The following PARD3 variants were observed in gnomAD, a reference collection of about 807,000 sequenced individuals.
The protein encoded by PARD3 is partitioning defective 3 homolog.
PARD3 carries 75 observed loss-of-function variants against 155.4 expected under a neutral mutation model. That is an observed-to-expected ratio of 0.48 (90% CI 0.40 to 0.58). PARD3 has a LOEUF of 0.58. Among genes scored for constraint, PARD3 ranks in the 20% least tolerant of loss-of-function variants. The probability of loss-of-function intolerance (pLI) is 0.00; values close to 1 mark genes in which losing one functional copy is unlikely to be tolerated. For synonymous variants in PARD3, 576 were observed against 610.5 expected (o/e 0.94, Z 0.83); for missense variants, 1,642 against 1,721.7 (o/e 0.95, Z 0.82).
intron 1 of PARD3, among the ~76,000 whole-genome samples, chr10:34,727,572 T>C (rs904524578): frequency 1.4e-3 from 1 of 716 alleles, no homozygotes; most frequent in African/African-American, 2.1e-3. Flanking sequence ...CTATGTTTAT[T>C]TTTTTTTTGA....
chr10:34,620,897 T>C (rs1480689415), intron 2 of PARD3, among the ~76,000 whole-genome samples: 1 of 152,248 alleles, frequency 6.6e-6, no homozygotes, highest in Non-Finnish European at 1.5e-5. Flanking sequence ...CTTGCCACAT[T>C]TTGCTACATG....
At chr10:34,500,572 T>C (rs1228590183) in intron 3 of PARD3, among the ~76,000 whole-genome samples, 2 of 152,098 alleles carry the variant, frequency 1.3e-5, no homozygotes, top group Admixed American at 6.6e-5. Flanking sequence ...TGAAACCTCA[T>C]CTCTACAAAA....
At chr10:34,293,553 G>A (rs1360298065) in intron 20 of PARD3, among the ~76,000 whole-genome samples, 1 of 152,142 alleles carries the variant, frequency 6.6e-6, no homozygotes, top group African/African-American at 2.4e-5. Context: ...ATTTGGCATT[G>A]AAATCGGTCA....
chr10:34,647,755 G>A (rs1389302332), intron 2 of PARD3, among the ~76,000 whole-genome samples: 1 of 152,070 alleles, frequency 6.6e-6, no homozygotes, highest in Non-Finnish European at 1.5e-5. Context: ...ATCCATATTT[G>A]TAGTTGCTAA....
intron 2 of PARD3, among the ~76,000 whole-genome samples, chr10:34,519,070 G>A (rs2081967465): frequency 6.6e-6 from 1 of 152,144 alleles, no homozygotes; most frequent in Non-Finnish European, 1.5e-5. Context: ...CCCAAATTGA[G>A]GGATATTCTG....
chr10:34,178,483 G>A (rs1469519633), intron 22 of PARD3, among the ~76,000 whole-genome samples: 1 of 152,194 alleles, frequency 6.6e-6, no homozygotes, highest in Non-Finnish European at 1.5e-5. Flanking sequence ...AAGAAATGCA[G>A]GAGGGACAGC....
chr10:34,269,434 A>C (rs1955504279), intron 22 of PARD3, among the ~76,000 whole-genome samples: 1 of 152,230 alleles, frequency 6.6e-6, no homozygotes. Flanking sequence ...TTCAGAACAA[A>C]ATGAAATATG....
At chr10:34,220,481 T>C (rs1330860598) in intron 22 of PARD3, among the ~76,000 whole-genome samples, 3 of 152,210 alleles carry the variant, frequency 2.0e-5, no homozygotes, top group African/African-American at 7.2e-5. Context: ...ACCTGTGCGA[T>C]TTTGTGCTCA....
intron 22 of PARD3, among the ~76,000 whole-genome samples, chr10:34,225,073 AC>A (rs1481277203): frequency 6.6e-6 from 1 of 152,200 alleles, no homozygotes; most frequent in African/African-American, 2.4e-5. Flanking sequence ...ATCAAATTTA[AC>A]CAAAAATATT....
chr10:34,152,250 T>C (rs1240153278), intron 22 of PARD3, among the ~76,000 whole-genome samples: 1 of 152,202 alleles, frequency 6.6e-6, no homozygotes. Flanking sequence ...CTTGCATTGT[T>C]TAACAATGCA....
chr10:34,518,882 T>C (rs760541989), intron 2 of PARD3, among the ~76,000 whole-genome samples: 6 of 152,182 alleles, frequency 3.9e-5, no homozygotes, highest in Non-Finnish European at 7.3e-5. Flanking sequence ...AGTAATATTG[T>C]TGAAGTGGAG....
intron 22 of PARD3, among the ~76,000 whole-genome samples, chr10:34,241,347 G>C (rs1953579747): frequency 6.6e-6 from 1 of 152,176 alleles, no homozygotes; most frequent in African/African-American, 2.4e-5. Context: ...TAGTCAAGGA[G>C]TGCAAGGAGG....
intron 1 of PARD3, among the ~76,000 whole-genome samples, chr10:34,740,419 G>C (rs566749025): frequency 6.6e-6 from 1 of 152,150 alleles, no homozygotes; most frequent in Non-Finnish European, 1.5e-5. Flanking sequence ...CCTCTTTCAC[G>C]ACCCAAGAAT....
At chr10:34,608,838 A>G (rs2090670011) in intron 2 of PARD3, among the ~76,000 whole-genome samples, 1 of 152,222 alleles carries the variant, frequency 6.6e-6, no homozygotes, top group South Asian at 2.1e-4. Context: ...CCAGCCTACA[A>G]ATTTTTAAAA....
chr10:34,666,777 TAA>T (rs771593408), intron 2 of PARD3, among the ~76,000 whole-genome samples: 45 of 17,044 alleles, frequency 2.6e-3, no homozygotes, highest in Non-Finnish European at 4.4e-3. Flanking sequence ...CCCCTCCCCC[TAA>T]AAAAAAAAAA....
At chr10:34,595,711 T>C (rs1489404041) in intron 2 of PARD3, among the ~76,000 whole-genome samples, 1 of 152,204 alleles carries the variant, frequency 6.6e-6, no homozygotes, top group African/African-American at 2.4e-5. Context: ...AAATAAAATT[T>C]TATTTTCACT....
At chr10:34,412,631 T>C (rs1396121287) in intron 5 of PARD3, among the ~76,000 whole-genome samples, 3 of 152,210 alleles carry the variant, frequency 2.0e-5, no homozygotes, top group Admixed American at 2.0e-4. Flanking sequence ...TGCTGGGAAA[T>C]CGTTTCATTA....
chr10:34,644,830 G>C (rs2092787446), intron 2 of PARD3, among the ~76,000 whole-genome samples: 1 of 152,084 alleles, frequency 6.6e-6, no homozygotes, highest in Non-Finnish European at 1.5e-5. Context: ...GAATCTAATT[G>C]CTGAATAGAG....
chr10:34,270,186 G>A lies in PARD3; in HGVS notation c.3177-287C>T, dbSNP rs79317263. Among the ~76,000 whole-genome samples the A allele has an allele frequency of 4.5e-3, 674 of 149,548 alleles. 14 individuals are homozygous for A. The highest frequency in any genetic ancestry group is 0.038 in the East Asian group (192 of 5,062). On this transcript the variant is annotated intron_variant, in intron 21 of 24. Transcript: ENST00000374788. ...GACAGAGTCTCACTCTGTCCCCCAG[G>A]CTGGAGGGCAGTGGCATGAGATCTT...
Sources: allele counts gnomAD v4.1 joint callset (sites outside exome capture counted in the v4.1 genomes callset), GRCh38; gene constraint gnomAD v4.1.1; transcripts MANE v1.5; gene names NCBI Gene and HGNC (gene_info 2026-07-23, HGNC 2026-07-21).